Variants in POU1F1 observed in about 807,000 individuals in gnomAD.
The protein encoded by POU1F1 is POU class 1 homeobox 1.
A neutral mutation model predicts 32.3 loss-of-function variants in POU1F1; 23 were observed. The ratio of observed to expected loss-of-function variants is 0.71; its 90% CI spans 0.51 to 1.01. The LOEUF (loss-of-function observed/expected upper bound fraction) is 1.01, where lower values mean the gene tolerates loss of function less well. Among genes scored for constraint, POU1F1 ranks in the 50% least tolerant of loss-of-function variants. The pLI is 0.00. For synonymous variants in POU1F1, 120 were observed against 115.6 expected (o/e 1.04, Z -0.25); for missense variants, 323 against 341.6 (o/e 0.95, Z 0.43).
chr3:87,273,316 T>G, intron 2 of POU1F1, 31 bp downstream of exon 2: 1 of 1,593,048 alleles, frequency 6.3e-7, no homozygotes. Flanking sequence ...GTCCCCAAAT[T>G]CAATAACATG....
intron 2 of POU1F1, among the ~76,000 whole-genome samples, chr3:87,271,896 G>A (rs1394532031): frequency 6.6e-6 from 1 of 152,032 alleles, no homozygotes; most frequent in African/African-American, 2.4e-5. Flanking sequence ...TATTCAGAAT[G>A]TTGCTTGATA....
At chr3:87,260,837 C>T (rs1008178475) in intron 5 of POU1F1, among the ~76,000 whole-genome samples, 3 of 151,286 alleles carry the variant, frequency 2.0e-5, no homozygotes, top group African/African-American at 7.3e-5. Context: ...CTCTCCATTT[C>T]TCAAAATTAA....
intron 2 of POU1F1, among the ~76,000 whole-genome samples, chr3:87,266,544 T>TA (rs1209558610): frequency 7.3e-5 from 11 of 151,620 alleles, no homozygotes; most frequent in South Asian, 6.2e-4. Context: ...TTTTTGTCTT[T>TA]AAAAAATTCC....
At chr3:87,275,195 A>G (rs558943489) in intron 1 of POU1F1, among the ~76,000 whole-genome samples, 122 of 152,136 alleles carry the variant, frequency 8.0e-4, no homozygotes, top group Non-Finnish European at 7.4e-4. Flanking sequence ...ATTACCCTTT[A>G]AATTAAATTA....
Position 87,260,868 on chromosome 3 carries a change from TTTTTTTTATTTATTTATTTATTTATTTA to T in POU1F1, c.665+377_665+404del, listed in dbSNP as rs1263692938. On this transcript the variant is annotated intron_variant, in intron 5 of 5. Coordinates refer to ENST00000350375, the MANE Select transcript of POU1F1 (RefSeq NM_000306.4). ...ATTAAGTTATTACATTATTATTATTTTTTTTTTATTTATTTATTTATTTATTTATTTATTTATTTATTTATTTATTTAT... is the reference window on the plus strand; with the variant it reads ...ATTAAGTTATTACATTATTATTATTTTTTATTTATTTATTTATTTATTTAT... Among the ~76,000 whole-genome samples the T allele has an allele frequency of 2.3e-3, 326 of 140,150 alleles. 5 individuals carry two copies. The highest frequency in any genetic ancestry group is 3.7e-3 in the Non-Finnish European group (235 of 64,044). The allele number at this position is 140,150 out of a possible 152,430, so 91.9% of individuals were successfully genotyped here. A position where few individuals can be genotyped will look rare whatever the true frequency, so the allele number is the denominator to read the frequency against.
At chr3:87,268,057 A>G (rs995921438) in intron 2 of POU1F1, among the ~76,000 whole-genome samples, 3 of 147,792 alleles carry the variant, frequency 2.0e-5, no homozygotes, top group African/African-American at 7.4e-5. Context: ...GTGATGTGTG[A>G]TACATTTTTT....
intron 2 of POU1F1, among the ~76,000 whole-genome samples, chr3:87,266,153 G>A (rs1043369494): frequency 1.6e-4 from 23 of 148,264 alleles, no homozygotes; most frequent in African/African-American, 2.2e-4. Flanking sequence ...AAAGAATACC[G>A]TAACTCAGCA....
intron 1 of POU1F1, among the ~76,000 whole-genome samples, chr3:87,273,739 G>T (rs775039560): frequency 2.8e-4 from 43 of 152,146 alleles, no homozygotes; most frequent in Non-Finnish European, 5.1e-4. Flanking sequence ...GTGAAGGGGT[G>T]ACTGACCAAT....
intron 3 of POU1F1, 25 bp downstream of exon 3, chr3:87,264,263 C>T: frequency 6.4e-7 from 1 of 1,562,712 alleles, no homozygotes; most frequent in Non-Finnish European, 8.8e-7. Context: ...AGTTCTTTTT[C>T]CTGTTGCCTT....
intron 3 of POU1F1, among the ~76,000 whole-genome samples, chr3:87,263,665 G>C (rs1417230101): frequency 6.6e-6 from 1 of 151,860 alleles, no homozygotes; most frequent in Non-Finnish European, 1.5e-5. Flanking sequence ...ACATTTATAG[G>C]GTTAATCATC....
intron 2 of POU1F1, 44 bp from the exon 3 acceptor site, chr3:87,264,556 T>C (rs778131448): frequency 3.4e-5 from 48 of 1,432,504 alleles, no homozygotes; most frequent in Non-Finnish European, 4.3e-5. Flanking sequence ...CCATTTGTCA[T>C]TCTCCTTATT....
At position 87,276,538 on chromosome 3, in the gene POU1F1, G is replaced by A. The variant is rs1304585225; in HGVS notation, c.-76C>T. Reference sequence around the variant, plus strand: ...GTTTTATTATATTACTGTCTCAAAGGGCCGATTCAATTCTCACTACCTGCA... The same window carrying A: ...GTTTTATTATATTACTGTCTCAAAGAGCCGATTCAATTCTCACTACCTGCA... On this transcript the variant is annotated 5_prime_UTR_variant, in exon 1 of 6. Transcript: ENST00000350375. 5.9e-6 allele frequency: 9 copies of A among 1,529,618 alleles called. No homozygotes were observed. The highest frequency in any genetic ancestry group is 1.8e-4 in the Middle Eastern group (1 of 5,508). 94.8% of individuals were successfully genotyped at this position (1,529,618 alleles called of 1,614,324 possible).
chr3:87,264,547 C>T (rs1414676919), intron 2 of POU1F1, 35 bp from the exon 3 acceptor site: 1 of 1,464,284 alleles, frequency 6.8e-7, no homozygotes, highest in Admixed American at 1.7e-5. Context: ...TGAAAAAGAC[C>T]ATTTGTCATT....
Position 87,259,884 on chromosome 3 carries a change from T to C in POU1F1, c.*10A>G. 3 of 1,606,028 alleles carry C rather than the reference T, an allele frequency of 1.9e-6. No individual in the cohort carries two copies. The highest frequency in any genetic ancestry group is 2.6e-6 in the Non-Finnish European group (3 of 1,172,812). ...ACGGGAGAAAAAGGCTATTATACAA[T>C]AGAAAAATCTTATCTGCACTCAAGA... On this transcript the variant is annotated 3_prime_UTR_variant, in exon 6 of 6. Transcript: ENST00000350375.
intron 2 of POU1F1, among the ~76,000 whole-genome samples, chr3:87,269,951 G>A (rs981487198): frequency 5.3e-5 from 8 of 152,118 alleles, no homozygotes; most frequent in African/African-American, 1.4e-4. Flanking sequence ...CCCCCATTGA[G>A]CTTGTTTCCT....
At chr3:87,271,972 T>C (rs879322172) in intron 2 of POU1F1, among the ~76,000 whole-genome samples, 3 of 152,122 alleles carry the variant, frequency 2.0e-5, no homozygotes, top group Non-Finnish European at 4.4e-5. Context: ...TATTTAGTCT[T>C]ACATGGACAA....
intron 2 of POU1F1, among the ~76,000 whole-genome samples, chr3:87,266,330 TATAA>T (rs1321807359): frequency 1.4e-5 from 2 of 146,934 alleles, no homozygotes; most frequent in African/African-American, 4.9e-5. Flanking sequence ...AATATGTAAT[TATAA>T]ATATATAATT....
chr3:87,260,551 A>G (rs1458748853), intron 5 of POU1F1, among the ~76,000 whole-genome samples: 1 of 152,220 alleles, frequency 6.6e-6, no homozygotes, highest in Non-Finnish European at 1.5e-5. Flanking sequence ...AGAAACTACA[A>G]AAAGATCAAT....
Position 87,276,472 on chromosome 3 carries a change from A to T in POU1F1, c.-10T>A. The T allele has an allele frequency of 6.2e-7, 1 of 1,613,540 alleles. No individual in the cohort carries two copies. On this transcript the variant is annotated 5_prime_UTR_variant, in exon 1 of 6. Coordinates refer to ENST00000350375, the MANE Select transcript of POU1F1 (RefSeq NM_000306.4). ...AAGCTTGGCAACTCATTCCCACAAGAGAGTAGAAAAATAAGGAGAACCGCT... is the reference window on the plus strand; with the variant it reads ...AAGCTTGGCAACTCATTCCCACAAGTGAGTAGAAAAATAAGGAGAACCGCT...
Sources: allele counts gnomAD v4.1 joint callset (sites outside exome capture counted in the v4.1 genomes callset), GRCh38; gene constraint gnomAD v4.1.1; transcripts MANE v1.5; gene names NCBI Gene and HGNC (gene_info 2026-07-23, HGNC 2026-07-21).